Variants in EPHB1 observed in about 807,000 individuals in gnomAD.
EPHB1 encodes ephrin type-B receptor 1.
Under a neutral mutation model 94.4 loss-of-function variants are expected in EPHB1, and 30 were observed. The ratio of observed to expected loss-of-function variants is 0.32; its 90% CI spans 0.24 to 0.43. EPHB1 has a LOEUF of 0.43. Among genes scored for constraint, EPHB1 ranks in the 20% least tolerant of loss-of-function variants. The pLI is 1.00. For missense variants in EPHB1, 1,055 were observed against 1,308.3 expected, an observed-to-expected ratio of 0.81 and a Z score of 2.99; for synonymous variants, 522 against 489.1, an observed-to-expected ratio of 1.07 and a Z score of -0.89.
intron 3 of EPHB1, among the ~76,000 whole-genome samples, chr3:135,030,506 G>T (rs1003246255): frequency 6.6e-5 from 10 of 152,196 alleles, no homozygotes; most frequent in Non-Finnish European, 1.0e-4. Flanking sequence ...GTATGCCCCT[G>T]CTGGAGGGTG....
chr3:135,087,819 G>A (rs913967875), intron 3 of EPHB1, among the ~76,000 whole-genome samples: 1 of 152,068 alleles, frequency 6.6e-6, no homozygotes, highest in Admixed American at 6.5e-5. Context: ...GCTGCCCAAG[G>A]GTCCTGTGGA....
intron 1 of EPHB1, among the ~76,000 whole-genome samples, chr3:134,900,002 A>T (rs6439536): frequency 0.32 from 49,135 of 152,140 alleles, 8,247 homozygotes; most frequent in Non-Finnish European, 0.38. Flanking sequence ...CATTGTGTCT[A>T]TGGTGATTAA....
In EPHB1 at chr3:135,259,207, G is replaced by C. The variant is rs957095551; in HGVS notation, c.*87G>C. The C allele has an allele frequency of 9.7e-7, 1 of 1,031,398 alleles. No homozygotes were observed. Among genetic ancestry groups the C allele is most frequent in the Admixed American group, 2.3e-5 (1 of 42,736 alleles). 63.9% of individuals were successfully genotyped at this position (1,031,398 alleles called of 1,614,324 possible). A position where few individuals can be genotyped will look rare whatever the true frequency, so the allele number is the denominator to read the frequency against. Reference sequence around the variant, plus strand: ...GTTGACCACTGTGGAATGTACTGGAGAGACTGGCTTCTCAGCTGAGGAATG... The same window carrying C: ...GTTGACCACTGTGGAATGTACTGGACAGACTGGCTTCTCAGCTGAGGAATG... On this transcript the variant is annotated 3_prime_UTR_variant, in exon 16 of 16. Coordinates refer to ENST00000398015, the MANE Select transcript of EPHB1 (RefSeq NM_004441.5).
intron 3 of EPHB1, among the ~76,000 whole-genome samples, chr3:135,034,982 G>T (rs576925028): frequency 2.6e-5 from 4 of 152,206 alleles, no homozygotes; most frequent in African/African-American, 9.7e-5. Context: ...TATGAAAGGC[G>T]GAGAAGAAAG....
chr3:134,954,851 G>A (rs911795349), intron 3 of EPHB1, among the ~76,000 whole-genome samples: 1 of 152,170 alleles, frequency 6.6e-6, no homozygotes, highest in Non-Finnish European at 1.5e-5. Context: ...TCGCTTGGCT[G>A]TGCAGAGGCA....
intron 1 of EPHB1, among the ~76,000 whole-genome samples, chr3:134,866,636 A>G (rs573435225): frequency 3.0e-4 from 46 of 152,344 alleles, no homozygotes; most frequent in Middle Eastern, 3.4e-3. Flanking sequence ...CAGGTTTCCA[A>G]TGCCAAGGAG....
rs561849189 is a variant in EPHB1, at chr3:134,871,477, T to C, written c.59-54339T>C. On this transcript the variant is annotated intron_variant, in intron 1 of 15. Transcript: ENST00000398015. ...TCCCAGCGGCTGGCTCGAAGTGGAT[T>C]CAGTTTCCAGAGACAAACCAAGTAG... Among the ~76,000 whole-genome samples, 5 of 152,300 alleles carry C rather than the reference T, an allele frequency of 3.3e-5. No homozygotes were observed. The South Asian group carries it at 1.0e-3, about 32-fold the overall frequency.
chr3:134,803,990 C>G (rs2035982664), intron 1 of EPHB1, among the ~76,000 whole-genome samples: 1 of 149,262 alleles, frequency 6.7e-6, no homozygotes, highest in Non-Finnish European at 1.5e-5. Flanking sequence ...CTTTTTCCTT[C>G]TCGGTTTGCA....
At chr3:134,882,874 G>A (rs983855816) in intron 1 of EPHB1, among the ~76,000 whole-genome samples, 1 of 141,306 alleles carries the variant, frequency 7.1e-6, no homozygotes, top group Non-Finnish European at 1.5e-5. Context: ...CCAGGCTAGA[G>A]TGCAGTGGCA....
intron 1 of EPHB1, among the ~76,000 whole-genome samples, chr3:134,889,534 C>G (rs1376009170): frequency 6.6e-6 from 1 of 152,046 alleles, no homozygotes; most frequent in African/African-American, 2.4e-5. Flanking sequence ...ATATTTTATT[C>G]CATTAATCAG....
intron 3 of EPHB1, among the ~76,000 whole-genome samples, chr3:135,070,735 T>C (rs1194973108): frequency 1.3e-5 from 2 of 152,234 alleles, no homozygotes; most frequent in African/African-American, 2.4e-5. Context: ...CCTTTTTGCA[T>C]TCTATTTAAC....
At chr3:135,183,788 G>T (rs1472187524) in intron 10 of EPHB1, among the ~76,000 whole-genome samples, 1 of 152,190 alleles carries the variant, frequency 6.6e-6, no homozygotes, top group Non-Finnish European at 1.5e-5. Flanking sequence ...GAGAGGGATT[G>T]CCTGTGGGTA....
intron 2 of EPHB1, among the ~76,000 whole-genome samples, chr3:134,948,696 T>C (rs2039262854): frequency 6.6e-6 from 1 of 152,248 alleles, no homozygotes; most frequent in Admixed American, 6.5e-5. Flanking sequence ...GGGATGTCCA[T>C]GTGCTGGGCA....
In EPHB1 at chr3:134,922,264, A is replaced by G. The variant is rs139636549; in HGVS notation, c.59-3552A>G. ...ATGAGTGCGCTCTTCCTCTCCAGGG[A>G]GATGTAAACCTGCTCAAATCACTTT... On this transcript the variant is annotated intron_variant, in intron 1 of 15. Transcript: ENST00000398015. Among the ~76,000 whole-genome samples the G allele has an allele frequency of 1.4e-4, 21 of 152,348 alleles. No individual in the cohort carries two copies. In the East Asian group the frequency reaches 4.1e-3, roughly 29 times the overall value.
At chr3:135,140,656 C>A (rs1419432450) in intron 5 of EPHB1, among the ~76,000 whole-genome samples, 6 of 152,158 alleles carry the variant, frequency 3.9e-5, no homozygotes, top group African/African-American at 4.8e-5. Context: ...CACCCCCAAA[C>A]CATAACCATG....
chr3:135,147,697 G>C (rs1392458138), intron 5 of EPHB1, among the ~76,000 whole-genome samples: 4 of 152,182 alleles, frequency 2.6e-5, no homozygotes, highest in African/African-American at 7.2e-5. Flanking sequence ...CTCTTTGTAT[G>C]GGTCTCCTTG....
At chr3:134,824,498 G>T (rs1262385499) in intron 1 of EPHB1, among the ~76,000 whole-genome samples, 1 of 152,160 alleles carries the variant, frequency 6.6e-6, no homozygotes, top group Non-Finnish European at 1.5e-5. Context: ...AAAAGCAGAG[G>T]CCAGTTATAT....
At chr3:135,049,987 T>C (rs1248907205) in intron 3 of EPHB1, among the ~76,000 whole-genome samples, 1 of 152,212 alleles carries the variant, frequency 6.6e-6, no homozygotes, top group African/African-American at 2.4e-5. Flanking sequence ...AGCCCCACCC[T>C]GGGCATGGTG....
chr3:134,916,236 A>T (rs2038565421), intron 1 of EPHB1, among the ~76,000 whole-genome samples: 1 of 152,196 alleles, frequency 6.6e-6, no homozygotes, highest in South Asian at 2.1e-4. Flanking sequence ...ACAATCCCTT[A>T]GCTAGACATA....
Sources: allele counts gnomAD v4.1 joint callset (sites outside exome capture counted in the v4.1 genomes callset), GRCh38; gene constraint gnomAD v4.1.1; transcripts MANE v1.5; gene names NCBI Gene and HGNC (gene_info 2026-07-23, HGNC 2026-07-21).